The following CNOT4 variants were observed in gnomAD, a reference collection of about 807,000 sequenced individuals.
CNOT4 encodes the protein CCR4-NOT transcription complex subunit 4.
In CNOT4, 8 loss-of-function variants were observed where a neutral mutation model predicts 73.8. The observed-to-expected ratio is 0.11, with a 90% CI of 0.06 to 0.20. CNOT4 has a LOEUF of 0.20. Among genes scored for constraint, CNOT4 ranks in the 10% least tolerant of loss-of-function variants. The pLI is 1.00. For missense variants in CNOT4, 564 were observed against 883.4 expected (o/e 0.64, Z 4.58); for synonymous variants, 293 against 321.1 (o/e 0.91, Z 0.94).
At chr7:135,463,633 C>G (rs985258197) in intron 1 of CNOT4, among the ~76,000 whole-genome samples, 1 of 150,350 alleles carries the variant, frequency 6.7e-6, no homozygotes, top group African/African-American at 2.4e-5. Flanking sequence ...GCAAAGATTT[C>G]ATGACAAAGA....
At chr7:135,499,495 CAT>C (rs1270674905) in intron 1 of CNOT4, among the ~76,000 whole-genome samples, 45 of 151,950 alleles carry the variant, frequency 3.0e-4, no homozygotes, top group Admixed American at 2.0e-3. Context: ...AAAAAAAAAA[CAT>C]AAACTATTAA....
At chr7:135,460,078 G>C (rs1203131520) in intron 1 of CNOT4, among the ~76,000 whole-genome samples, 1 of 152,244 alleles carries the variant, frequency 6.6e-6, no homozygotes, top group Admixed American at 6.5e-5. Context: ...CAATGGAAGA[G>C]AGAGCCTTGC....
Position 135,364,193 on chromosome 7 carries a change from G to T in CNOT4, c.1628-127C>A. 2 of 763,610 alleles carry T rather than the reference G, an allele frequency of 2.6e-6. No homozygotes were observed. The highest frequency in any genetic ancestry group is 4.2e-6 in the Non-Finnish European group (2 of 479,422). The allele number at this position is 763,610 out of a possible 1,614,324, so 47.3% of individuals were successfully genotyped here. On this transcript the variant is annotated intron_variant, in intron 10 of 11. Transcript: ENST00000541284. This position sits in a 1 kb window ranked among gnomAD's most constrained non-coding sequence, Gnocchi z 4.3. ...CTTTCTTTATTGAGCATTTAAAATGGGTTGTCCTAGCAAGATAAACTTGGT... is the reference window on the plus strand; with the variant it reads ...CTTTCTTTATTGAGCATTTAAAATGTGTTGTCCTAGCAAGATAAACTTGGT...
At chr7:135,463,452 C>T (rs567650994) in intron 1 of CNOT4, among the ~76,000 whole-genome samples, 37 of 150,164 alleles carry the variant, frequency 2.5e-4, no homozygotes, top group Admixed American at 4.0e-4. Context: ...GCAGGAGAAT[C>T]GCTTGAACCC....
intron 3 of CNOT4, among the ~76,000 whole-genome samples, chr7:135,420,367 A>G (rs923585501): frequency 4.0e-5 from 6 of 151,890 alleles, no homozygotes; most frequent in Admixed American, 6.6e-5. Context: ...GCTTGAGCTC[A>G]GGAGTTCAAG....
chr7:135,432,268 C>T (rs188330570), intron 2 of CNOT4, among the ~76,000 whole-genome samples: 28 of 152,196 alleles, frequency 1.8e-4, no homozygotes, highest in Admixed American at 1.2e-3. Context: ...TTTCTGCAAA[C>T]GATGCTGCAA....
At chr7:135,455,485 T>C (rs565042070) in intron 1 of CNOT4, among the ~76,000 whole-genome samples, 22 of 151,954 alleles carry the variant, frequency 1.4e-4, no homozygotes, top group African/African-American at 5.3e-4. Context: ...CTACCAACCA[T>C]GGACAAAGGA....
At chr7:135,458,757 T>G (rs1180625564) in intron 1 of CNOT4, among the ~76,000 whole-genome samples, 10 of 152,078 alleles carry the variant, frequency 6.6e-5, no homozygotes, top group African/African-American at 2.4e-4. Context: ...AGCAATTCAG[T>G]CACATCTTCA....
chr7:135,491,496 G>C (rs190408556), intron 1 of CNOT4, among the ~76,000 whole-genome samples: 21 of 152,272 alleles, frequency 1.4e-4, no homozygotes, highest in African/African-American at 5.1e-4. Context: ...GTCAAACGTA[G>C]ATCATCACCC....
At chr7:135,494,584 A>G (rs1033003618) in intron 1 of CNOT4, among the ~76,000 whole-genome samples, 2 of 151,838 alleles carry the variant, frequency 1.3e-5, no homozygotes, top group Non-Finnish European at 2.9e-5. Context: ...TTGAGCACCT[A>G]TTATGTGCCA....
At chr7:135,474,519 C>T (rs549436830) in intron 1 of CNOT4, among the ~76,000 whole-genome samples, 9 of 152,032 alleles carry the variant, frequency 5.9e-5, no homozygotes, top group East Asian at 5.8e-4. Context: ...TCAAGTGATC[C>T]GCCCACAGTG....
At position 135,510,102 on chromosome 7, in the gene CNOT4, C is replaced by G; in HGVS notation, c.-306G>C. Reference sequence around the variant, plus strand: ...ATCTTACATTAGGGTAAGACTCCTCCGGCCTCCCGTGCGCAGGCGCACGCT... The same window carrying G: ...ATCTTACATTAGGGTAAGACTCCTCGGGCCTCCCGTGCGCAGGCGCACGCT... On this transcript the variant is annotated 5_prime_UTR_variant, in exon 1 of 12. Transcript: ENST00000541284. 2.5e-6 allele frequency: 1 copy of G among 399,010 alleles called. No homozygotes were observed. The highest frequency in any genetic ancestry group is 3.6e-5 in the East Asian group (1 of 28,050). The allele number at this position is 399,010 out of a possible 1,614,324, so 24.7% of individuals were successfully genotyped here. A position where few individuals can be genotyped will look rare whatever the true frequency, so the allele number is the denominator to read the frequency against.
intron 1 of CNOT4, among the ~76,000 whole-genome samples, chr7:135,479,198 ATTT>A (rs61487024): frequency 6.0e-4 from 54 of 89,864 alleles, no homozygotes; most frequent in African/African-American, 2.5e-3. Flanking sequence ...TTAGAACCAA[ATTT>A]TTTTTTTTTT....
intron 1 of CNOT4, among the ~76,000 whole-genome samples, chr7:135,467,615 G>C (rs1801303243): frequency 6.6e-6 from 1 of 152,096 alleles, no homozygotes; most frequent in South Asian, 2.1e-4. Context: ...TAAGAGATTG[G>C]AGCAAAAGGC....
At chr7:135,406,297 AC>A (rs1377357440) in intron 7 of CNOT4, among the ~76,000 whole-genome samples, 2 of 81,924 alleles carry the variant, frequency 2.4e-5, no homozygotes, top group African/African-American at 9.5e-5. Context: ...AAACATCCCC[AC>A]CCCCCACCCT....
intron 1 of CNOT4, among the ~76,000 whole-genome samples, chr7:135,440,996 AT>A (rs1337148968): frequency 2.0e-5 from 3 of 152,218 alleles, no homozygotes; most frequent in African/African-American, 7.2e-5. Context: ...TAAATATGAT[AT>A]AACATAAGGT....
In CNOT4 at chr7:135,362,506, C is replaced by T. The variant is rs1328807503; in HGVS notation, c.*379G>A. ...TTTCAAACTTCTGCAGTTGATAATGCATTTACTTGAGCTTTCCTATAGATT... is the reference window on the plus strand; with the variant it reads ...TTTCAAACTTCTGCAGTTGATAATGTATTTACTTGAGCTTTCCTATAGATT... On this transcript the variant is annotated 3_prime_UTR_variant, in exon 12 of 12. Coordinates refer to ENST00000541284, the MANE Select transcript of CNOT4 (RefSeq NM_001190850.2). The T allele has an allele frequency of 8.6e-6, 3 of 346,984 alleles. No individual in the cohort carries two copies. The highest frequency in any genetic ancestry group is 1.7e-5 in the Non-Finnish European group (3 of 181,326). The allele number at this position is 346,984 out of a possible 1,614,324, so 21.5% of individuals were successfully genotyped here. A position where few individuals can be genotyped will look rare whatever the true frequency, so the allele number is the denominator to read the frequency against.
intron 10 of CNOT4, among the ~76,000 whole-genome samples, chr7:135,365,420 T>C (rs1167859015): frequency 9.8e-3 from 1 of 102 alleles, no homozygotes; most frequent in Admixed American, 0.17. Context: ...ATTTTACATT[T>C]GTATGTGTTG....
In CNOT4 at chr7:135,438,792, C is replaced by T. The variant is rs75424585; in HGVS notation, c.-92-369G>A. The stretch of plus-strand genomic sequence containing the variant: ...TTGCCACATAACTAGAAGACTATTA[C>T]ACTATTCTAAAGTTTGTCACAATTT... On this transcript the variant is annotated intron_variant, in intron 1 of 11. Transcript: ENST00000541284. 2.8e-3 allele frequency among the ~76,000 whole-genome samples: 429 copies of T among 152,260 alleles called. 14 individuals are homozygous for T. In the East Asian group the frequency reaches 0.055, roughly 19 times the overall value.
Sources: gnomAD v4.1 joint callset for allele counts (sites outside exome capture counted in the v4.1 genomes callset) on GRCh38, gnomAD v4.1.1 for gene constraint, Gnocchi (gnomAD v3.1) non-coding constraint, MANE v1.5 for transcripts, NCBI Gene and HGNC (gene_info 2026-07-23, HGNC 2026-07-21) for gene names.